GRK5: variants seen among roughly 807,000 people sequenced by gnomAD.
The protein encoded by GRK5 is g protein-coupled receptor kinase GRK5.
A neutral mutation model predicts 78.4 loss-of-function variants in GRK5; 40 were observed. That is an observed-to-expected ratio of 0.51 (90% CI 0.40 to 0.66). The LOEUF is 0.66. Among genes scored for constraint, GRK5 ranks in the 30% least tolerant of loss-of-function variants. The pLI is 0.00. For missense variants in GRK5, 598 were observed against 759.9 expected, an observed-to-expected ratio of 0.79 and a Z score of 2.50; for synonymous variants, 289 against 296.8, an observed-to-expected ratio of 0.97 and a Z score of 0.27.
chr10:119,413,599 G>A (rs924950563), intron 4 of GRK5, among the ~76,000 whole-genome samples: 1 of 151,928 alleles, frequency 6.6e-6, no homozygotes, highest in Non-Finnish European at 1.5e-5. Flanking sequence ...AACCCTCACA[G>A]CACACCTGGT....
chr10:119,351,523 C>T (rs770668602), intron 2 of GRK5, among the ~76,000 whole-genome samples: 8 of 152,144 alleles, frequency 5.3e-5, no homozygotes, highest in Non-Finnish European at 4.4e-5. Flanking sequence ...TGCCTTTCCT[C>T]TTCTGCCATG....
At chr10:119,325,729 C>G (rs542777143) in intron 1 of GRK5, among the ~76,000 whole-genome samples, 1 of 152,322 alleles carries the variant, frequency 6.6e-6, no homozygotes, top group East Asian at 1.9e-4. Flanking sequence ...CTGTTTGCGC[C>G]TGTGCACCCT....
At chr10:119,296,005 G>T (rs934344150) in intron 1 of GRK5, among the ~76,000 whole-genome samples, 1 of 152,052 alleles carries the variant, frequency 6.6e-6, no homozygotes, top group Non-Finnish European at 1.5e-5. Flanking sequence ...AAGAAATAAG[G>T]CTTGATTACA....
At chr10:119,397,867 A>G (rs1852083006) in intron 4 of GRK5, among the ~76,000 whole-genome samples, 1 of 152,166 alleles carries the variant, frequency 6.6e-6, no homozygotes. Flanking sequence ...CGGCATTCCT[A>G]ATGCGCACAC....
At chr10:119,415,894 G>A (rs2133875434) in intron 4 of GRK5, among the ~76,000 whole-genome samples, 1 of 152,334 alleles carries the variant, frequency 6.6e-6, no homozygotes, top group Admixed American at 6.5e-5. Context: ...GGGTTGAAGG[G>A]CTGAGCCCTG....
chr10:119,248,236 C>T (rs1431657870), intron 1 of GRK5, among the ~76,000 whole-genome samples: 1 of 152,122 alleles, frequency 6.6e-6, no homozygotes, highest in Non-Finnish European at 1.5e-5. Context: ...TGGTCTCAAA[C>T]TCCTGGGCTC....
intron 1 of GRK5, among the ~76,000 whole-genome samples, chr10:119,240,681 TG>T (rs1486539883): frequency 6.6e-6 from 1 of 152,200 alleles, no homozygotes; most frequent in East Asian, 1.9e-4. Flanking sequence ...TTGATGGGGT[TG>T]TTTTTTTCTT....
chr10:119,371,994 C>A (rs1228505172), intron 2 of GRK5, among the ~76,000 whole-genome samples: 1 of 152,226 alleles, frequency 6.6e-6, no homozygotes, highest in Non-Finnish European at 1.5e-5. Flanking sequence ...CCATTTGGAG[C>A]AGAATAATTA....
chr10:119,408,163 CAAA>C (rs34029208), intron 4 of GRK5, among the ~76,000 whole-genome samples: 9 of 73,932 alleles, frequency 1.2e-4, no homozygotes, highest in South Asian at 4.9e-4. Context: ...AACTCCATCT[CAAA>C]AAAAAAAAAA....
intron 4 of GRK5, among the ~76,000 whole-genome samples, chr10:119,404,070 T>TCTATGTTTAAA (rs1165177714): frequency 1.3e-5 from 2 of 152,230 alleles, no homozygotes; most frequent in African/African-American, 4.8e-5. Context: ...ATGTGGTAAC[T>TCTATGTTTAAA]CTATGTTTAA....
intron 1 of GRK5, among the ~76,000 whole-genome samples, chr10:119,300,559 C>T (rs559861713): frequency 2.0e-5 from 3 of 152,298 alleles, no homozygotes; most frequent in East Asian, 3.9e-4. Context: ...CCCAGATAGT[C>T]GCCCAGCTTA....
intron 2 of GRK5, among the ~76,000 whole-genome samples, chr10:119,335,337 G>C (rs942971039): frequency 6.6e-6 from 1 of 152,042 alleles, no homozygotes; most frequent in African/African-American, 2.4e-5. Context: ...GACTGCAGGT[G>C]TGAGCCACTC....
intron 3 of GRK5, among the ~76,000 whole-genome samples, chr10:119,394,236 G>C (rs1474103806): frequency 5.4e-5 from 7 of 130,838 alleles, no homozygotes; most frequent in Non-Finnish European, 6.7e-5. Flanking sequence ...GTGTGGGTGT[G>C]TGGGTGTCTG....
intron 1 of GRK5, among the ~76,000 whole-genome samples, chr10:119,274,122 G>A (rs1849630107): frequency 6.6e-6 from 1 of 152,178 alleles, no homozygotes; most frequent in South Asian, 2.1e-4. Context: ...TGCTTGGTTT[G>A]AAGCAAAGCT....
chr10:119,240,392 G>A lies in GRK5; in HGVS notation c.52+32423G>A, dbSNP rs374080318. ...ATTTTTTTGTATTTTTAGTAGAGAC[G>A]GGGTTTCACCATGTTAGCCAGGATG... On this transcript the variant is annotated intron_variant, in intron 1 of 15. Transcript: ENST00000392870. Among the ~76,000 whole-genome samples, 371 of 151,444 alleles carry A rather than the reference G, an allele frequency of 2.4e-3. 2 individuals carry two copies. The highest frequency in any genetic ancestry group is 8.4e-3 in the East Asian group (43 of 5,134).
chr10:119,315,083 C>A (rs899506112), intron 1 of GRK5, among the ~76,000 whole-genome samples: 1 of 152,206 alleles, frequency 6.6e-6, no homozygotes, highest in Non-Finnish European at 1.5e-5. Flanking sequence ...AGCGGCTCTG[C>A]GCCCTGTCCT....
chr10:119,406,073 G>A (rs748106613), intron 4 of GRK5, among the ~76,000 whole-genome samples: 2 of 152,178 alleles, frequency 1.3e-5, no homozygotes, highest in Non-Finnish European at 2.9e-5. Flanking sequence ...GAATGTGAGA[G>A]CCCTGATGAC....
chr10:119,249,336 C>A (rs1454228972), intron 1 of GRK5, among the ~76,000 whole-genome samples: 1 of 152,076 alleles, frequency 6.6e-6, no homozygotes, highest in Non-Finnish European at 1.5e-5. Flanking sequence ...GGTGAAGTGA[C>A]TTAATATATA....
chr10:119,214,323 T>G (rs1848535239), intron 1 of GRK5, among the ~76,000 whole-genome samples: 1 of 152,128 alleles, frequency 6.6e-6, no homozygotes, highest in African/African-American at 2.4e-5. Context: ...AGAACTGGAT[T>G]TTTTTCCCCG....
Sources: allele counts gnomAD v4.1 joint callset (sites outside exome capture counted in the v4.1 genomes callset), GRCh38; gene constraint gnomAD v4.1.1; transcripts MANE v1.5; gene names NCBI Gene and HGNC (gene_info 2026-07-23, HGNC 2026-07-21).